SORCS3: variants seen among roughly 807,000 people sequenced by gnomAD.
The protein encoded by SORCS3 is sortilin related VPS10 domain containing receptor 3.
A neutral mutation model predicts 146.3 loss-of-function variants in SORCS3; 57 were observed. That is an observed-to-expected ratio of 0.39 (90% CI 0.31 to 0.49). SORCS3 has a LOEUF of 0.49. Ranked by LOEUF, SORCS3 falls within the 20% of genes least tolerant of loss-of-function variation. The pLI, the probability that SORCS3 is intolerant of heterozygous loss-of-function variation, is 0.92. For synonymous variants in SORCS3, 653 were observed against 618.5 expected (o/e 1.06, Z -0.83); for missense variants, 1,341 against 1,575.5 (o/e 0.85, Z 2.52).
chr10:104,702,316 C>T (rs2016289007), intron 1 of SORCS3, among the ~76,000 whole-genome samples: 1 of 152,166 alleles, frequency 6.6e-6, no homozygotes, highest in Admixed American at 6.5e-5. Context: ...CCTAGTCTCT[C>T]TTTGTCGCCC....
chr10:104,959,390 A>T (rs1360065044), intron 3 of SORCS3, among the ~76,000 whole-genome samples: 1 of 152,128 alleles, frequency 6.6e-6, no homozygotes, highest in Non-Finnish European at 1.5e-5. Flanking sequence ...TCCTTATAAA[A>T]GGGACCTCAG....
intron 3 of SORCS3, among the ~76,000 whole-genome samples, chr10:104,934,417 G>C (rs1435937128): frequency 6.6e-6 from 1 of 152,134 alleles, no homozygotes; most frequent in Non-Finnish European, 1.5e-5. Context: ...TTTCAAGTTT[G>C]GTGTTTAAAG....
chr10:104,692,867 C>G (rs1403238585), intron 1 of SORCS3, among the ~76,000 whole-genome samples: 1 of 152,198 alleles, frequency 6.6e-6, no homozygotes, highest in Non-Finnish European at 1.5e-5. Flanking sequence ...CCTCAAACTT[C>G]AGTTGAATCA....
chr10:105,004,367 C>T (rs999632657), intron 4 of SORCS3, among the ~76,000 whole-genome samples: 1 of 152,136 alleles, frequency 6.6e-6, no homozygotes, highest in Non-Finnish European at 1.5e-5. Context: ...GGCAAGGCAC[C>T]CAGGAACTAG....
At position 105,164,309 on chromosome 10, in the gene SORCS3, T is replaced by C. The variant is rs756842481; in HGVS notation, c.1739T>C (p.Ile580Thr). ...TGATCTGCTTATGTTTCAGGCAACA[T>C]TGGCCCGGAGCTCTCATATACTGAT... ...APGLVVATGN[I>T]GPELSYTDIG... is the part of the protein sequence containing the mutation. Residue 580 changes from isoleucine (I) to threonine (T), a missense_variant, in exon 12 of 27, where the codon ATT becomes ACT. Ile to Thr is a moderately conservative substitution (Grantham distance 89). Transcript: ENST00000369701. The C allele has an allele frequency of 5.6e-6, 9 of 1,613,214 alleles. No homozygotes were observed. Among genetic ancestry groups the C allele is most frequent in the African/African-American group, 1.3e-5 (1 of 75,006 alleles).
chr10:105,024,965 C>A (rs1343868341), intron 4 of SORCS3, among the ~76,000 whole-genome samples: 1 of 152,122 alleles, frequency 6.6e-6, no homozygotes, highest in Non-Finnish European at 1.5e-5. Flanking sequence ...TCTTGAATTT[C>A]TATAGTGAGT....
At chr10:105,231,501 T>A (rs1005553698) in intron 20 of SORCS3, among the ~76,000 whole-genome samples, 1 of 152,174 alleles carries the variant, frequency 6.6e-6, no homozygotes, top group South Asian at 2.1e-4. Context: ...CCAATATAAC[T>A]TTTGTTTATT....
At chr10:104,701,530 C>T (rs1301850221) in intron 1 of SORCS3, among the ~76,000 whole-genome samples, 1 of 152,162 alleles carries the variant, frequency 6.6e-6, no homozygotes, top group Non-Finnish European at 1.5e-5. Context: ...CCCAACGGAT[C>T]GTAGCCAAGA....
chr10:104,919,520 G>A (rs2019065944), intron 3 of SORCS3, among the ~76,000 whole-genome samples: 1 of 151,988 alleles, frequency 6.6e-6, no homozygotes, highest in Non-Finnish European at 1.5e-5. Context: ...GAGAAACCCT[G>A]TCTCTGCTAA....
intron 13 of SORCS3, 151 bp from the exon 14 acceptor site, chr10:105,177,915 A>T: frequency 1.6e-6 from 1 of 619,000 alleles, no homozygotes; most frequent in South Asian, 2.0e-5. Context: ...TCTCATAATA[A>T]TATGGGGAGA....
intron 3 of SORCS3, among the ~76,000 whole-genome samples, chr10:104,945,112 T>G (rs2133621421): frequency 6.6e-6 from 1 of 152,280 alleles, no homozygotes; most frequent in South Asian, 2.1e-4. Context: ...AAAGAATACA[T>G]ATCGTATGAC....
At chr10:105,139,836 A>G (rs1197385122) in intron 8 of SORCS3, among the ~76,000 whole-genome samples, 1 of 152,208 alleles carries the variant, frequency 6.6e-6, no homozygotes, top group Non-Finnish European at 1.5e-5. Context: ...GGCCAAACTC[A>G]GCAGGAGGAC....
At chr10:105,170,675 T>A (rs1349003753) in intron 13 of SORCS3, among the ~76,000 whole-genome samples, 1 of 152,204 alleles carries the variant, frequency 6.6e-6, no homozygotes, top group Non-Finnish European at 1.5e-5. Context: ...TCTAAAGCAA[T>A]CCCTCGAAGG....
At chr10:105,082,648 G>T (rs1204959523) in intron 5 of SORCS3, among the ~76,000 whole-genome samples, 1 of 152,150 alleles carries the variant, frequency 6.6e-6, no homozygotes, top group Admixed American at 6.5e-5. Flanking sequence ...AAAATCTACT[G>T]GAAAACGTTA....
intron 4 of SORCS3, among the ~76,000 whole-genome samples, chr10:105,026,461 C>A (rs2055232119): frequency 6.6e-6 from 1 of 152,188 alleles, no homozygotes. Context: ...ATTCAACCAG[C>A]AATCCCATTA....
At chr10:104,915,558 C>T (rs1227527708) in intron 2 of SORCS3, among the ~76,000 whole-genome samples, 5 of 152,182 alleles carry the variant, frequency 3.3e-5, no homozygotes, top group Admixed American at 6.5e-5. Flanking sequence ...AGAGTCAGGC[C>T]GTCTCCAGCA....
intron 3 of SORCS3, among the ~76,000 whole-genome samples, chr10:104,940,230 ATATATATATTTTTT>A (rs1181185301): frequency 9.7e-3 from 232 of 23,922 alleles, no homozygotes; most frequent in African/African-American, 0.035. Context: ...ATATATATAT[ATATATATATTTTTT>A]TTTTTTTTTT....
chr10:105,003,182 A>G (rs2055072140), intron 4 of SORCS3, among the ~76,000 whole-genome samples: 1 of 152,208 alleles, frequency 6.6e-6, no homozygotes, highest in Admixed American at 6.5e-5. Flanking sequence ...CTAAGATTGT[A>G]ATATCTGCCT....
chr10:104,940,238 A>ATACATATATATATATATATATTTT (rs1435205868), intron 3 of SORCS3, among the ~76,000 whole-genome samples: 1 of 31,506 alleles, frequency 3.2e-5, no homozygotes, highest in African/African-American at 1.1e-4. Flanking sequence ...ATATATATAT[A>ATACATATATATATATATATATTTT]TTTTTTTTTT....
Sources: allele counts gnomAD v4.1 joint callset (sites outside exome capture counted in the v4.1 genomes callset), GRCh38; gene constraint gnomAD v4.1.1; transcripts MANE v1.5; gene names NCBI Gene and HGNC (gene_info 2026-07-23, HGNC 2026-07-21).